The following CDKN1A variants were observed in gnomAD, a reference collection of about 807,000 sequenced individuals.
CDKN1A encodes the protein cyclin-dependent kinase inhibitor 1.
CDKN1A carries 14 observed loss-of-function variants against 14.8 expected under a neutral mutation model. The observed-to-expected ratio is 0.94, with a 90% CI of 0.62 to 1.48. CDKN1A has a LOEUF of 1.48. Ranked by LOEUF, CDKN1A falls within the 40% of genes most tolerant of loss-of-function variation. CDKN1A has a pLI of 0.00. For missense variants in CDKN1A, 203 were observed against 231.7 expected, an observed-to-expected ratio of 0.88 and a Z score of 0.80; for synonymous variants, 92 against 93.5, an observed-to-expected ratio of 0.98 and a Z score of 0.09.
At chr6:36,685,699 C>A in intron 2 of CDKN1A, 52 bp from the exon 3 acceptor site, 1 of 1,599,508 alleles carries the variant, frequency 6.3e-7, no homozygotes, top group South Asian at 1.1e-5. Context: ...TTGGGCAGCT[C>A]CGCCGCGTCC....
rs745953295 is a variant in CDKN1A, at chr6:36,687,179, G to A, written c.*1379G>A. Reference sequence around the variant, plus strand: ...ATACTGGCCTGGACTGTTTTCTCTCGGCTCCCCATGTGTCCTGGTTCCCGT... The same window carrying A: ...ATACTGGCCTGGACTGTTTTCTCTCAGCTCCCCATGTGTCCTGGTTCCCGT... On this transcript the variant is annotated 3_prime_UTR_variant, in exon 3 of 3. Coordinates refer to ENST00000244741, the MANE Select transcript of CDKN1A (RefSeq NM_000389.5). 3 of 233,032 alleles carry A rather than the reference G, an allele frequency of 1.3e-5. No individual in the cohort carries two copies. The highest frequency in any genetic ancestry group is 6.6e-5 in the African/African-American group (3 of 45,270). 14.4% of individuals were successfully genotyped at this position (233,032 alleles called of 1,614,324 possible).
intron 1 of CDKN1A, chr6:36,682,654 G>A (rs1333125846): frequency 6.6e-6 from 1 of 152,300 alleles, no homozygotes; most frequent in Non-Finnish European, 1.5e-5. Flanking sequence ...TGCAAGTTGG[G>A]ACTTGTCCCT....
upstream of CDKN1A, chr6:36,678,683 T>C: frequency 1.0e-6 from 1 of 985,006 alleles, no homozygotes; most frequent in Non-Finnish European, 1.2e-6. The surrounding 1 kb of genome is among the most constrained non-coding windows in gnomAD (Gnocchi z 5.7). Context: ...GGGGCGGTTG[T>C]ATATCAGGGC....
intron 1 of CDKN1A, chr6:36,680,827 A>G (rs1478731590): frequency 6.6e-6 from 1 of 152,252 alleles, no homozygotes; most frequent in Non-Finnish European, 1.5e-5. Flanking sequence ...GAAGGCCAAT[A>G]AAGGAGGCTA....
At chr6:36,681,377 CTTT>C (rs1397606387) in intron 1 of CDKN1A, among the ~76,000 whole-genome samples, 2 of 62,508 alleles carry the variant, frequency 3.2e-5, no homozygotes, top group East Asian at 1.1e-3. Context: ...TTCTTTCTTT[CTTT>C]CTTTCTTTCT....
chr6:36,681,836 C>T lies in CDKN1A; in HGVS notation c.-5-2261C>T, dbSNP rs563616138. Among the ~76,000 whole-genome samples the T allele has an allele frequency of 3.5e-4, 53 of 152,118 alleles. 1 individual carries two copies. The South Asian group carries it at 7.7e-3, about 22-fold the overall frequency. ...GTCTCAATCTCCTGACCTCGTGCTC[C>T]GCCCTCCTCGGCCTCCCAAAGTGCT... On this transcript the variant is annotated intron_variant, in intron 1 of 2. Transcript: ENST00000244741.
intron 1 of CDKN1A, chr6:36,682,613 A>AG (rs960609912): frequency 3.9e-5 from 6 of 152,278 alleles, no homozygotes; most frequent in African/African-American, 1.4e-4. Context: ...CTGCCTCATG[A>AG]GGACTCAGCA....
chr6:36,684,858 T>C lies in CDKN1A; in HGVS notation c.445+312T>C, dbSNP rs1404582478. 6.6e-6 allele frequency among the ~76,000 whole-genome samples: 1 copy of C among 152,204 alleles called. No homozygotes were observed. Among genetic ancestry groups the C allele is most frequent in the Non-Finnish European group, 1.5e-5 (1 of 68,028 alleles). ...CCCGCCTTTCTTTTTGAGACAGGTG[T>C]CTTAACTCTGTTGGCCAGACTGGAG... On this transcript the variant is annotated intron_variant, in intron 2 of 2. Transcript: ENST00000244741. The surrounding 1 kb of genome is among the most constrained non-coding windows in gnomAD (Gnocchi z 6.0).
upstream of CDKN1A, chr6:36,678,151 G>A: frequency 2.8e-6 from 1 of 358,514 alleles, no homozygotes; most frequent in South Asian, 2.2e-5. The surrounding 1 kb of genome is among the most constrained non-coding windows in gnomAD (Gnocchi z 5.7). Flanking sequence ...CTTTGTTGGG[G>A]TGTCTAGGTG....
upstream of CDKN1A, among the ~76,000 whole-genome samples, chr6:36,676,893 AAAC>A (rs961746033): frequency 1.3e-5 from 2 of 152,272 alleles, no homozygotes; most frequent in Admixed American, 6.5e-5. Flanking sequence ...TCTTTCCCAA[AAAC>A]AACAACAAAA....
At chr6:36,678,150 G>A (rs1582560449), upstream of CDKN1A, 1 of 356,904 alleles carries the variant, frequency 2.8e-6, no homozygotes, top group East Asian at 6.5e-5. This position sits in a 1 kb window ranked among gnomAD's most constrained non-coding sequence, Gnocchi z 5.7. Flanking sequence ...GCTTTGTTGG[G>A]GTGTCTAGGT....
intron 1 of CDKN1A, among the ~76,000 whole-genome samples, chr6:36,683,135 T>C (rs1762073204): frequency 6.6e-6 from 1 of 152,234 alleles, no homozygotes; most frequent in South Asian, 2.1e-4. Context: ...ACTTCTGTTT[T>C]CAATGCACTT....
In CDKN1A at chr6:36,684,374, A is replaced by T. The variant is rs143676546; in HGVS notation, c.273A>T (p.Gly91=). The change falls in exon 2 of 3, where the codon GGA becomes GGT. Residue 91 remains glycine, a synonymous_variant. Transcript: ENST00000244741. The surrounding 1 kb of genome is among the most constrained non-coding windows in gnomAD (Gnocchi z 6.0). ...GGCGAGGCCGGGATGAGTTGGGAGG[A>T]GGCAGGCGGCCTGGCACCTCACCTG... is the stretch of plus-strand genomic sequence containing the variant. The part of the protein sequence containing the change: ...GPRRGRDELG[G]GRRPGTSPAL... 2.8e-4 allele frequency: 445 copies of T among 1,613,176 alleles called. 2 individuals are homozygous for T. The highest frequency in any genetic ancestry group is 8.8e-4 in the Admixed American group (53 of 59,932).
At chr6:36,681,342 C>CTCTT in intron 1 of CDKN1A, among the ~76,000 whole-genome samples, 1 of 114,190 alleles carries the variant, frequency 8.8e-6, no homozygotes, top group South Asian at 2.9e-4. Context: ...CTTTTTCTTT[C>CTCTT]TTTCTTTCTT....
upstream of CDKN1A, chr6:36,678,594 G>A: frequency 1.1e-6 from 1 of 912,888 alleles, no homozygotes; most frequent in South Asian, 5.0e-5. This position sits in a 1 kb window ranked among gnomAD's most constrained non-coding sequence, Gnocchi z 5.7. Context: ...GCAGCCAGGA[G>A]CCTGGGCCCC....
At chr6:36,685,195 C>G (rs1414202869) in intron 2 of CDKN1A, among the ~76,000 whole-genome samples, 1 of 152,170 alleles carries the variant, frequency 6.6e-6, no homozygotes, top group African/African-American at 2.4e-5. Flanking sequence ...AGTGATTTAT[C>G]TAAGGTCTCA....
chr6:36,681,264 T>TTTTCTTTCCTTCTTTC lies in CDKN1A; in HGVS notation c.-6+2474_-6+2475insCTTCTTTCTTTCTTTC, dbSNP rs1562037839. Among the ~76,000 whole-genome samples the TTTTCTTTCCTTCTTTC allele has an allele frequency of 2.2e-3, 183 of 81,866 alleles. 2 individuals carry two copies. Among genetic ancestry groups the TTTTCTTTCCTTCTTTC allele is most frequent in the Middle Eastern group, 6.3e-3 (1 of 158 alleles). 53.7% of individuals were successfully genotyped at this position (81,866 alleles called of 152,430 possible). A position where few individuals can be genotyped will look rare whatever the true frequency, so the allele number is the denominator to read the frequency against. On this transcript the variant is annotated intron_variant, in intron 1 of 2. Coordinates refer to ENST00000244741, the MANE Select transcript of CDKN1A (RefSeq NM_000389.5). ...TATTTTGAAAAAACTCCCTAGGTGC[T>TTTTCTTTCCTTCTTTC]TTTCTTTCTTTCTTTTTTTCTTTCT...
chr6:36,681,565 C>A (rs984322105), intron 1 of CDKN1A, among the ~76,000 whole-genome samples: 2 of 147,930 alleles, frequency 1.4e-5, no homozygotes, highest in Admixed American at 1.3e-4. Context: ...CAGGCGTGAT[C>A]CCCCCGCCCC....
At chr6:36,680,201 C>A (rs998066976) in intron 1 of CDKN1A, among the ~76,000 whole-genome samples, 1 of 152,058 alleles carries the variant, frequency 6.6e-6, no homozygotes, top group Non-Finnish European at 1.5e-5. Context: ...TCGTTGCTCC[C>A]GTCTATTTTT....
Sources: gnomAD v4.1 joint callset for allele counts (sites outside exome capture counted in the v4.1 genomes callset) on GRCh38, gnomAD v4.1.1 for gene constraint, Gnocchi (gnomAD v3.1) non-coding constraint, MANE v1.5 for transcripts, NCBI Gene and HGNC (gene_info 2026-07-23, HGNC 2026-07-21) for gene names.